CCSER1: variants seen among roughly 807,000 people sequenced by gnomAD.
CCSER1 encodes the protein serine-rich coiled-coil domain-containing protein 1.
In CCSER1, 41 loss-of-function variants were observed where a neutral mutation model predicts 82.0. The observed-to-expected ratio is 0.50, with a 90% CI of 0.39 to 0.65. The LOEUF is 0.65. CCSER1 is among the 30% of genes least tolerant of loss of function. CCSER1 has a pLI of 0.00. For synonymous variants in CCSER1, 414 were observed against 383.9 expected (o/e 1.08, Z -0.92); for missense variants, 1,119 against 1,064.2 (o/e 1.05, Z -0.72).
chr4:91,425,750 C>T (rs1341942808), intron 10 of CCSER1, among the ~76,000 whole-genome samples: 1 of 152,142 alleles, frequency 6.6e-6, no homozygotes, highest in Admixed American at 6.5e-5. Flanking sequence ...GGAGTTGCTG[C>T]TCAACAAGTA....
chr4:90,767,936 G>A (rs925965858), intron 7 of CCSER1, among the ~76,000 whole-genome samples: 9 of 152,044 alleles, frequency 5.9e-5, no homozygotes, highest in African/African-American at 2.2e-4. Flanking sequence ...TATAGGCATG[G>A]GCCACCATGC....
At chr4:91,304,842 T>A (rs1368996382) in intron 10 of CCSER1, among the ~76,000 whole-genome samples, 1 of 152,082 alleles carries the variant, frequency 6.6e-6, no homozygotes, top group African/African-American at 2.4e-5. Flanking sequence ...ATTAAAAGAA[T>A]GTTACTTAAA....
intron 6 of CCSER1, among the ~76,000 whole-genome samples, chr4:90,713,032 T>A (rs899731731): frequency 3.9e-5 from 6 of 152,034 alleles, no homozygotes; most frequent in Admixed American, 3.3e-4. Flanking sequence ...TGAGCCTATG[T>A]TTGTCTTTGC....
At chr4:90,500,190 C>G (rs1331685266) in intron 5 of CCSER1, among the ~76,000 whole-genome samples, 1 of 151,954 alleles carries the variant, frequency 6.6e-6, no homozygotes, top group East Asian at 1.9e-4. Flanking sequence ...TCGATTAATT[C>G]TCAACAGCTG....
chr4:90,852,807 A>G (rs1253093181), intron 8 of CCSER1, among the ~76,000 whole-genome samples: 1 of 152,208 alleles, frequency 6.6e-6, no homozygotes, highest in African/African-American at 2.4e-5. Context: ...TAATTTGACA[A>G]TGTGTGATTT....
intron 10 of CCSER1, among the ~76,000 whole-genome samples, chr4:91,569,264 G>A (rs111896709): frequency 9.5e-4 from 144 of 152,048 alleles, no homozygotes; most frequent in African/African-American, 3.2e-3. Context: ...TGAAAGTGTG[G>A]GTTCCTCTCC....
intron 10 of CCSER1, 88 bp from the exon 11 acceptor site, chr4:91,598,484 C>T: frequency 7.4e-7 from 1 of 1,342,692 alleles, no homozygotes; most frequent in Admixed American, 2.9e-5. Context: ...CGGGTTCAGA[C>T]ACAAATGTAT....
chr4:90,585,304 T>C (rs1326061394), intron 5 of CCSER1, among the ~76,000 whole-genome samples: 7 of 152,204 alleles, frequency 4.6e-5, no homozygotes, highest in East Asian at 1.9e-4. Flanking sequence ...TGGAAAACTA[T>C]TGGAGTTCTC....
intron 7 of CCSER1, chr4:90,724,589 T>C: frequency 3.3e-6 from 1 of 299,296 alleles, no homozygotes; most frequent in Non-Finnish European, 6.6e-6. Flanking sequence ...ATGTTTCTAT[T>C]TAAGCCAAAG....
At chr4:91,086,434 T>G (rs1009750635) in intron 10 of CCSER1, among the ~76,000 whole-genome samples, 1 of 152,132 alleles carries the variant, frequency 6.6e-6, no homozygotes, top group Non-Finnish European at 1.5e-5. Context: ...GTATGCATTA[T>G]TAGAGAGTAT....
At chr4:91,419,474 G>A (rs1237074398) in intron 10 of CCSER1, among the ~76,000 whole-genome samples, 4 of 151,930 alleles carry the variant, frequency 2.6e-5, no homozygotes, top group Non-Finnish European at 4.4e-5. Context: ...TAGCATCGAC[G>A]ATAACAAAAT....
intron 3 of CCSER1, among the ~76,000 whole-genome samples, chr4:90,317,670 A>G (rs1056982988): frequency 6.6e-6 from 1 of 152,106 alleles, no homozygotes; most frequent in Non-Finnish European, 1.5e-5. Context: ...TTCCAAATCT[A>G]GCGACTTATA....
chr4:90,988,000 C>T (rs558357226), intron 9 of CCSER1, among the ~76,000 whole-genome samples: 2 of 151,182 alleles, frequency 1.3e-5, no homozygotes, highest in African/African-American at 4.8e-5. Flanking sequence ...AACTAAAATC[C>T]GCAATATTGT....
intron 8 of CCSER1, among the ~76,000 whole-genome samples, chr4:90,831,219 G>C (rs992237972): frequency 6.6e-6 from 1 of 152,130 alleles, no homozygotes; most frequent in Non-Finnish European, 1.5e-5. Flanking sequence ...AGAAAGGAAG[G>C]TAGGGTTGAA....
chr4:91,467,286 C>T (rs1158940303), intron 10 of CCSER1, among the ~76,000 whole-genome samples: 7 of 152,188 alleles, frequency 4.6e-5, no homozygotes, highest in Non-Finnish European at 8.8e-5. Flanking sequence ...ACTGGGAAAA[C>T]TGGCTAGCCA....
At chr4:90,716,548 A>G (rs138739511) in intron 6 of CCSER1, among the ~76,000 whole-genome samples, 36 of 152,216 alleles carry the variant, frequency 2.4e-4, no homozygotes, top group South Asian at 4.1e-4. Context: ...GCTTATTCCC[A>G]TACAGTTATG....
chr4:90,188,527 T>C (rs1191683883), intron 1 of CCSER1, among the ~76,000 whole-genome samples: 1 of 151,904 alleles, frequency 6.6e-6, no homozygotes, highest in Non-Finnish European at 1.5e-5. Context: ...CTTCTTAGTA[T>C]GTATACCAAT....
chr4:90,379,130 A>G (rs573694186), intron 3 of CCSER1, among the ~76,000 whole-genome samples: 1 of 152,344 alleles, frequency 6.6e-6, no homozygotes, highest in South Asian at 2.1e-4. Context: ...TTTAACAGCA[A>G]CACAGATTTA....
chr4:90,461,069 T>A (rs1762845543), intron 4 of CCSER1, among the ~76,000 whole-genome samples: 1 of 103,446 alleles, frequency 9.7e-6, no homozygotes, highest in African/African-American at 5.5e-5. Flanking sequence ...TTTTTTTTTT[T>A]TTTTTTTTTT....
Sources: allele counts gnomAD v4.1 joint callset (sites outside exome capture counted in the v4.1 genomes callset), GRCh38; gene constraint gnomAD v4.1.1; transcripts MANE v1.5; gene names NCBI Gene and HGNC (gene_info 2026-07-23, HGNC 2026-07-21).